The following IQCJ variants were observed in gnomAD, a reference collection of about 807,000 sequenced individuals.
IQCJ encodes the protein IQ domain-containing protein J.
In IQCJ, 9 loss-of-function variants were observed where a neutral mutation model predicts 11.0. The observed-to-expected ratio is 0.82, with a 90% CI of 0.49 to 1.43. The LOEUF (loss-of-function observed/expected upper bound fraction) is 1.43. Ranked by LOEUF, IQCJ falls within the 40% of genes most tolerant of loss-of-function variation. IQCJ has a pLI of 0.00. For synonymous variants in IQCJ, 55 were observed against 51.3 expected, an observed-to-expected ratio of 1.07 and a Z score of -0.31; for missense variants, 146 against 133.2, an observed-to-expected ratio of 1.10 and a Z score of -0.47.
intron 1 of IQCJ, among the ~76,000 whole-genome samples, chr3:159,207,690 T>C (rs1006079015): frequency 1.3e-5 from 2 of 152,150 alleles, no homozygotes; most frequent in Admixed American, 6.5e-5. Context: ...GGAAGTTCAG[T>C]GTTTAGGGAA....
chr3:159,263,329 A>G lies in IQCJ; in HGVS notation c.*598A>G, dbSNP rs79159580. The stretch of plus-strand genomic sequence containing the variant: ...CATTTTTAAGTGTTAGCAGCCAGTA[A>G]GAAAATTTAAAAGGTAAAGTAAGCA... On this transcript the variant is annotated 3_prime_UTR_variant, in exon 4 of 4. Transcript: ENST00000397832. 254 of 548,688 alleles carry G rather than the reference A, an allele frequency of 4.6e-4. 5 individuals carry two copies. In the East Asian group the frequency reaches 0.029, roughly 62 times the overall value. 34.0% of individuals were successfully genotyped at this position (548,688 alleles called of 1,614,324 possible).
chr3:159,145,681 T>C (rs1033897633), intron 1 of IQCJ, among the ~76,000 whole-genome samples: 17 of 152,148 alleles, frequency 1.1e-4, no homozygotes, highest in African/African-American at 3.4e-4. Flanking sequence ...TTTTCATCTC[T>C]CCAACTTTCT....
intron 1 of IQCJ, among the ~76,000 whole-genome samples, chr3:159,070,669 A>G (rs1715507005): frequency 6.6e-6 from 1 of 152,118 alleles, no homozygotes; most frequent in Non-Finnish European, 1.5e-5. Context: ...TGTAAAGAAG[A>G]GAAAATGAGG....
chr3:159,191,964 C>G lies in IQCJ; in HGVS notation c.10-53879C>G, dbSNP rs549015793. On this transcript the variant is annotated intron_variant, in intron 1 of 3. Coordinates refer to ENST00000397832, the MANE Select transcript of IQCJ (RefSeq NM_001042706.3). ...TCCTCCATAAAGGAGACCAGTGAAG[C>G]CATTGAAACCCTTCCATACATTTTC... Among the ~76,000 whole-genome samples the G allele has an allele frequency of 1.9e-4, 29 of 152,274 alleles. No individual in the cohort carries two copies. The South Asian group carries it at 6.0e-3, about 32-fold the overall frequency.
At chr3:159,258,569 A>G (rs753681989) in intron 3 of IQCJ, among the ~76,000 whole-genome samples, 1 of 152,132 alleles carries the variant, frequency 6.6e-6, no homozygotes, top group Non-Finnish European at 1.5e-5. Flanking sequence ...CACAAAAAAG[A>G]GCTCTATGTA....
chr3:159,083,375 A>C (rs528774153), intron 1 of IQCJ, among the ~76,000 whole-genome samples: 1 of 152,170 alleles, frequency 6.6e-6, no homozygotes, highest in Non-Finnish European at 1.5e-5. Context: ...CAACATCATT[A>C]GCCATTGGTG....
chr3:159,106,537 G>GGA (rs1181986684), intron 1 of IQCJ, among the ~76,000 whole-genome samples: 7 of 151,884 alleles, frequency 4.6e-5, no homozygotes, highest in Non-Finnish European at 8.8e-5. Context: ...GGGGAAGCGG[G>GGA]GAGAGAGAGA....
chr3:159,093,698 G>T (rs1717509029), intron 1 of IQCJ, among the ~76,000 whole-genome samples: 1 of 151,878 alleles, frequency 6.6e-6, no homozygotes, highest in African/African-American at 2.4e-5. Flanking sequence ...TCACAGTTCT[G>T]CATGGCTGCG....
chr3:159,146,932 A>G (rs1464937696), intron 1 of IQCJ, among the ~76,000 whole-genome samples: 2 of 152,252 alleles, frequency 1.3e-5, no homozygotes, highest in Non-Finnish European at 2.9e-5. Flanking sequence ...TTGAAGAATT[A>G]TAAATAATTA....
chr3:159,119,729 C>T (rs1719242722), intron 1 of IQCJ, among the ~76,000 whole-genome samples: 1 of 152,132 alleles, frequency 6.6e-6, no homozygotes, highest in African/African-American at 2.4e-5. Flanking sequence ...CAATGTATCT[C>T]CTTTTTGATC....
At chr3:159,072,023 T>A (rs182760707) in intron 1 of IQCJ, among the ~76,000 whole-genome samples, 1 of 152,238 alleles carries the variant, frequency 6.6e-6, no homozygotes, top group East Asian at 1.9e-4. Flanking sequence ...TAAGCATTTA[T>A]TAAGCATCAC....
intron 1 of IQCJ, among the ~76,000 whole-genome samples, chr3:159,179,155 C>A (rs1282641273): frequency 6.6e-6 from 1 of 152,120 alleles, no homozygotes; most frequent in East Asian, 1.9e-4. Context: ...AAACGCTAAT[C>A]ATTGCCCTCA....
Position 159,069,392 on chromosome 3 carries a change from T to G in IQCJ, c.-41T>G. The G allele has an allele frequency of 6.3e-7, 1 of 1,598,784 alleles. No homozygotes were observed. The highest frequency in any genetic ancestry group is 8.5e-7 in the Non-Finnish European group (1 of 1,174,756). Reference sequence around the variant, plus strand: ...AGGAATACAGTGTGCCAGCATCCGATCCAGTCTCCTTTCACCTGCAGGTGT... The same window carrying G: ...AGGAATACAGTGTGCCAGCATCCGAGCCAGTCTCCTTTCACCTGCAGGTGT... On this transcript the variant is annotated 5_prime_UTR_variant, in exon 1 of 4. Transcript: ENST00000397832.
chr3:159,086,734 A>G (rs1172620844), intron 1 of IQCJ, among the ~76,000 whole-genome samples: 5 of 152,230 alleles, frequency 3.3e-5, no homozygotes, highest in Admixed American at 6.5e-5. Context: ...TTATTGGTGT[A>G]TAAGAATGCT....
At chr3:159,223,324 A>T (rs1380715230) in intron 1 of IQCJ, among the ~76,000 whole-genome samples, 1 of 152,184 alleles carries the variant, frequency 6.6e-6, no homozygotes. Flanking sequence ...ATATGCAATT[A>T]TATAGATATA....
chr3:159,142,161 A>T (rs1359755861), intron 1 of IQCJ, among the ~76,000 whole-genome samples: 1 of 152,154 alleles, frequency 6.6e-6, no homozygotes, highest in Non-Finnish European at 1.5e-5. Context: ...TGGAGCATAA[A>T]TATCTGATTT....
intron 1 of IQCJ, among the ~76,000 whole-genome samples, chr3:159,077,323 T>C (rs1486718665): frequency 6.6e-6 from 1 of 152,166 alleles, no homozygotes; most frequent in Non-Finnish European, 1.5e-5. Context: ...GATTAGCACC[T>C]CCCTTTTGAC....
At chr3:159,260,644 G>A (rs1183958401) in intron 3 of IQCJ, among the ~76,000 whole-genome samples, 1 of 152,090 alleles carries the variant, frequency 6.6e-6, no homozygotes, top group Non-Finnish European at 1.5e-5. Context: ...GCAATCTTAT[G>A]GGACTCCCTT....
At chr3:159,112,435 T>C (rs1718687997) in intron 1 of IQCJ, among the ~76,000 whole-genome samples, 1 of 152,242 alleles carries the variant, frequency 6.6e-6, no homozygotes, top group African/African-American at 2.4e-5. Flanking sequence ...AGTTGTAGTC[T>C]TTTTATTTTC....
Sources: gnomAD v4.1 joint callset for allele counts (sites outside exome capture counted in the v4.1 genomes callset) on GRCh38, gnomAD v4.1.1 for gene constraint, MANE v1.5 for transcripts, NCBI Gene and HGNC (gene_info 2026-07-23, HGNC 2026-07-21) for gene names.